SAP130: variants seen among roughly 807,000 people sequenced by gnomAD.
SAP130 encodes the protein histone deacetylase complex subunit SAP130.
In SAP130, 16 loss-of-function variants were observed where a neutral mutation model predicts 103.2. That is an observed-to-expected ratio of 0.16 (90% CI 0.10 to 0.24). The LOEUF (loss-of-function observed/expected upper bound fraction) is 0.24, where lower values mean the gene tolerates loss of function less well. Among genes scored for constraint, SAP130 ranks in the 10% least tolerant of loss-of-function variants. The probability of loss-of-function intolerance (pLI) is 1.00; values close to 1 mark genes in which losing one functional copy is unlikely to be tolerated. For missense variants in SAP130, 990 were observed against 1,359.7 expected, an observed-to-expected ratio of 0.73 and a Z score of 4.28; for synonymous variants, 477 against 497.0, an observed-to-expected ratio of 0.96 and a Z score of 0.53.
chr2:127,965,215 TGAAC>T (rs1471895799), intron 15 of SAP130, among the ~76,000 whole-genome samples: 1 of 152,036 alleles, frequency 6.6e-6, no homozygotes, highest in Non-Finnish European at 1.5e-5. Context: ...GAGAATCGCT[TGAAC>T]CTGGGAGGCA....
At chr2:127,994,950 G>A (rs1161661588) in intron 11 of SAP130, among the ~76,000 whole-genome samples, 3 of 152,146 alleles carry the variant, frequency 2.0e-5, no homozygotes, top group East Asian at 1.9e-4. Context: ...CAAGGGGGAT[G>A]GACATATCAA....
At position 127,989,332 on chromosome 2, in the gene SAP130, C is replaced by T. The variant is rs1347363001; in HGVS notation, c.1780+232G>A. Among the ~76,000 whole-genome samples the T allele has an allele frequency of 3.3e-5, 5 of 152,046 alleles. No individual in the cohort carries two copies. Among genetic ancestry groups the T allele is most frequent in the Non-Finnish European group, 1.5e-5 (1 of 68,000 alleles). ...CTGGATAGTCTTGATCTCCTGACCT[C>T]GTGATCCACCCGCCTCAGCCTCCCA... On this transcript the variant is annotated intron_variant, in intron 13 of 20. Transcript: ENST00000643581. This position sits in a 1 kb window ranked among gnomAD's most constrained non-coding sequence, Gnocchi z 4.6.
intron 12 of SAP130, among the ~76,000 whole-genome samples, chr2:127,990,566 T>C (rs1682718125): frequency 6.6e-6 from 1 of 152,200 alleles, no homozygotes; most frequent in South Asian, 2.1e-4. Context: ...TATCTTACAA[T>C]GTTTGAAATT....
Position 127,999,776 on chromosome 2 carries a change from TG to T in SAP130, c.1177del (p.His393MetfsTer5). The T allele has an allele frequency of 6.5e-7, 1 of 1,531,128 alleles. No homozygotes were observed. 94.8% of individuals were successfully genotyped at this position (1,531,128 alleles called of 1,614,324 possible). A position where few individuals can be genotyped will look rare whatever the true frequency, so the allele number is the denominator to read the frequency against. ...VTMTVPSHSSHATAVTTSNIP... is the reference protein window; with the variant it reads ...VTMTVPSHSSXATAVTTSNIP... The stretch of plus-strand genomic sequence containing the variant: ...GTTTGAGGTGGTCACAGCAGTAGCA[TG>T]GGAGGAATGGGAGGGTACTGTCATG... On this transcript the variant is annotated frameshift_variant, in exon 10 of 21. Transcript: ENST00000643581. LOFTEE classifies it high-confidence loss of function.
chr2:127,983,201 C>A (rs1682083120), intron 14 of SAP130, among the ~76,000 whole-genome samples: 1 of 152,114 alleles, frequency 6.6e-6, no homozygotes, highest in South Asian at 2.1e-4. Context: ...CCCTGCCCAA[C>A]AAGAAGGCCA....
chr2:127,970,660 A>AACAG (rs1452797718), intron 15 of SAP130, among the ~76,000 whole-genome samples: 1 of 151,532 alleles, frequency 6.6e-6, no homozygotes, highest in Non-Finnish European at 1.5e-5. Flanking sequence ...CGCTCACTGT[A>AACAG]CTCCAGCTTG....
In SAP130 at chr2:127,955,035, A is replaced by G. The variant is rs535159433; in HGVS notation, c.2373T>C (p.Ile791=). The change falls in exon 16 of 21, where the codon ATT becomes ATC. Residue 791 remains isoleucine (I), a synonymous_variant. Coordinates refer to ENST00000643581, the MANE Select transcript of SAP130 (RefSeq NM_001330301.2). The surrounding 1 kb of genome is among the most constrained non-coding windows in gnomAD (Gnocchi z 4.9). The part of the protein sequence containing the change: ...SSVLGPPVPE[I]KVKEEVEPMD... ...TTGGTTCTACTTCTTCTTTCACTTT[A>G]ATTTCAGGAACGGGAGGGCCCAAGA... is the stretch of plus-strand genomic sequence containing the variant. 8 of 1,613,896 alleles carry G rather than the reference A, an allele frequency of 5.0e-6. No individual in the cohort carries two copies. The highest frequency in any genetic ancestry group is 6.8e-6 in the Non-Finnish European group (8 of 1,179,854).
intron 16 of SAP130, among the ~76,000 whole-genome samples, chr2:127,951,761 C>A (rs1679511212): frequency 6.6e-6 from 1 of 152,258 alleles, no homozygotes; most frequent in South Asian, 2.1e-4. Context: ...ACCATGCTGA[C>A]TGGCCTCACT....
At position 128,000,121 on chromosome 2, in the gene SAP130, G is replaced by C; in HGVS notation, c.1043C>G (p.Pro348Arg). Residue 348 changes from proline to arginine, a missense_variant, in exon 9 of 21, where the codon CCA becomes CGA. By Grantham distance (103) the Pro-to-Arg change is moderately radical (BLOSUM62 -2). Coordinates refer to ENST00000643581, the MANE Select transcript of SAP130 (RefSeq NM_001330301.2). ...AQKTIFSTGT[P>R]VAAATVAPIL... The stretch of plus-strand genomic sequence containing the variant: ...AGGTGCTACTGTGGCTGCAGCCACT[G>C]GCGTGCCAGTACTGAAGATTGTTTT... 1.2e-6 allele frequency: 2 copies of C among 1,614,170 alleles called. No homozygotes were observed. The highest frequency in any genetic ancestry group is 8.5e-7 in the Non-Finnish European group (1 of 1,180,032).
At chr2:128,002,749 C>CA (rs559001910) in intron 7 of SAP130, among the ~76,000 whole-genome samples, 45 of 151,600 alleles carry the variant, frequency 3.0e-4, no homozygotes, top group Non-Finnish European at 4.9e-4. Flanking sequence ...AAAAAACAAA[C>CA]AAAAAAAACA....
chr2:127,949,726 A>G, intron 18 of SAP130, 143 bp downstream of exon 18: 1 of 825,720 alleles, frequency 1.2e-6, no homozygotes, highest in Non-Finnish European at 1.9e-6. Context: ...GGATATACTT[A>G]AACACTAAAG....
chr2:128,006,794 T>C (rs4578802), intron 7 of SAP130, among the ~76,000 whole-genome samples: 38,301 of 152,174 alleles, frequency 0.25, 5,052 homozygotes, highest in African/African-American at 0.33. Context: ...AAGAATTCTA[T>C]GAAACCAGCT....
At chr2:128,009,823 C>T (rs1454438791) in intron 7 of SAP130, among the ~76,000 whole-genome samples, 1 of 152,176 alleles carries the variant, frequency 6.6e-6, no homozygotes, top group Non-Finnish European at 1.5e-5. Context: ...GTCTCAGAGC[C>T]TTTGCGCTCA....
At chr2:128,013,212 T>C (rs994973330) in intron 5 of SAP130, 58 bp from the exon 6 acceptor site, 4 of 1,459,086 alleles carry the variant, frequency 2.7e-6, no homozygotes, top group Non-Finnish European at 3.7e-6. Flanking sequence ...GGGAAAATAA[T>C]CAGTATGTTT....
chr2:128,023,932 CTAGAATA>C (rs200570132), intron 2 of SAP130, among the ~76,000 whole-genome samples: 44,265 of 151,576 alleles, frequency 0.29, 7,324 homozygotes, highest in African/African-American at 0.47. Context: ...ATAATATTCT[CTAGAATA>C]TTCTAGAGAA....
At position 127,965,899 on chromosome 2, in the gene SAP130, T is replaced by G. The variant is rs375889814; in HGVS notation, c.2064-10555A>C. 2.5e-4 allele frequency among the ~76,000 whole-genome samples: 38 copies of G among 150,634 alleles called. No individual in the cohort carries two copies. The South Asian group carries it at 7.7e-3, about 30-fold the overall frequency. Reference sequence around the variant, plus strand: ...ATTATTATATCCTATTTATTTGTTGTCTGCTAGAACTGATGAGGCCTAAAA... The same window carrying G: ...ATTATTATATCCTATTTATTTGTTGGCTGCTAGAACTGATGAGGCCTAAAA... On this transcript the variant is annotated intron_variant, in intron 15 of 20. Transcript: ENST00000643581.
intron 15 of SAP130, among the ~76,000 whole-genome samples, chr2:127,964,494 CAAAAAAAAA>C (rs55755397): frequency 1.6e-4 from 11 of 69,906 alleles, no homozygotes; most frequent in Non-Finnish European, 1.3e-4. Context: ...AACTCCATCT[CAAAAAAAAA>C]AAAAAAAAAA....
At chr2:127,978,385 G>C (rs1233043639) in intron 14 of SAP130, among the ~76,000 whole-genome samples, 2 of 151,960 alleles carry the variant, frequency 1.3e-5, no homozygotes, top group Non-Finnish European at 2.9e-5. Flanking sequence ...GCTGCTTCTA[G>C]CATGCCACAT....
intron 15 of SAP130, among the ~76,000 whole-genome samples, chr2:127,957,552 T>C (rs1269215623): frequency 1.3e-5 from 2 of 151,928 alleles, no homozygotes; most frequent in South Asian, 2.1e-4. Context: ...TGTATGCCTG[T>C]GGTCCTAGCG....
Sources: gnomAD v4.1 joint callset for allele counts (sites outside exome capture counted in the v4.1 genomes callset) on GRCh38, gnomAD v4.1.1 for gene constraint, Gnocchi (gnomAD v3.1) non-coding constraint, MANE v1.5 for transcripts, NCBI Gene and HGNC (gene_info 2026-07-23, HGNC 2026-07-21) for gene names.